The following C8orf34 variants were observed in gnomAD, a reference collection of about 807,000 sequenced individuals.
C8orf34 encodes uncharacterized protein C8orf34.
In C8orf34, 65 loss-of-function variants were observed where a neutral mutation model predicts 68.3. That is an observed-to-expected ratio of 0.95 (90% CI 0.78 to 1.17). The LOEUF is 1.17. Among genes scored for constraint, C8orf34 ranks in the 50% most tolerant of loss-of-function variants. The pLI is 0.00. For missense variants in C8orf34, 664 were observed against 655.4 expected (o/e 1.01, Z -0.14); for synonymous variants, 244 against 241.2 (o/e 1.01, Z -0.11).
At chr8:68,808,794 T>G (rs1366824150) in intron 12 of C8orf34, among the ~76,000 whole-genome samples, 1 of 152,146 alleles carries the variant, frequency 6.6e-6, no homozygotes, top group East Asian at 1.9e-4. Flanking sequence ...ATAGGACAAC[T>G]ATATTTAGTT....
chr8:68,596,487 A>G (rs1817549904), intron 7 of C8orf34, among the ~76,000 whole-genome samples: 1 of 152,134 alleles, frequency 6.6e-6, no homozygotes, highest in African/African-American at 2.4e-5. Flanking sequence ...AGTCTGCTAC[A>G]ATGTTGTGTG....
chr8:68,442,347 A>C (rs1416865911), intron 2 of C8orf34, among the ~76,000 whole-genome samples: 4 of 152,204 alleles, frequency 2.6e-5, no homozygotes, highest in Non-Finnish European at 5.9e-5. Flanking sequence ...ATTATTAATT[A>C]ATCATGGAAA....
At chr8:68,415,153 C>T (rs537713950) in intron 1 of C8orf34, among the ~76,000 whole-genome samples, 82 of 152,148 alleles carry the variant, frequency 5.4e-4, no homozygotes, top group Admixed American at 1.5e-3. Flanking sequence ...TGTTTTCCAT[C>T]GTATGGAGAA....
At chr8:68,575,975 T>C (rs1006841809) in intron 7 of C8orf34, among the ~76,000 whole-genome samples, 8 of 149,310 alleles carry the variant, frequency 5.4e-5, no homozygotes, top group Non-Finnish European at 1.5e-5. Flanking sequence ...TTTTTTTTTT[T>C]TTGCCTTTGC....
chr8:68,635,597 G>A (rs1198698664), intron 7 of C8orf34, among the ~76,000 whole-genome samples: 1 of 152,114 alleles, frequency 6.6e-6, no homozygotes, highest in African/African-American at 2.4e-5. Context: ...ATGATGAGAA[G>A]GTATGGGAAA....
At position 68,331,057 on chromosome 8, in the gene C8orf34, G is replaced by A; in HGVS notation, c.45G>A (p.Leu15=). 1 of 1,481,382 alleles carries A rather than the reference G, an allele frequency of 6.8e-7. No homozygotes were observed. Among genetic ancestry groups the A allele is most frequent in the Non-Finnish European group, 8.9e-7 (1 of 1,127,330 alleles). 91.8% of individuals were successfully genotyped at this position (1,481,382 alleles called of 1,614,324 possible). The change falls in exon 1 of 14, where the codon CTG becomes CTA. Residue 15 remains leucine (L), a synonymous_variant. Transcript: ENST00000518698. The part of the protein sequence containing the change: ...LASELSELAA[L]RPGFRLSAPH... ...CGGAGTTGTCTGAGTTGGCGGCGCT[G>A]CGCCCAGGCTTCCGGCTCTCAGCGC...
chr8:68,385,961 G>A (rs544428725), intron 1 of C8orf34, among the ~76,000 whole-genome samples: 17 of 152,212 alleles, frequency 1.1e-4, no homozygotes, highest in Middle Eastern at 3.4e-3. Context: ...GTGTAGTGGC[G>A]TGGTAATAGC....
chr8:68,475,186 A>G (rs1367184497), intron 4 of C8orf34, among the ~76,000 whole-genome samples: 2 of 152,168 alleles, frequency 1.3e-5, no homozygotes, highest in African/African-American at 2.4e-5. Context: ...TCAGCAAGCC[A>G]TATTTACTTT....
intron 1 of C8orf34, among the ~76,000 whole-genome samples, chr8:68,433,240 A>C (rs1810521504): frequency 6.6e-6 from 1 of 152,178 alleles, no homozygotes; most frequent in Non-Finnish European, 1.5e-5. Flanking sequence ...AGAGTAAATA[A>C]ATTCAGTCAT....
intron 1 of C8orf34, among the ~76,000 whole-genome samples, chr8:68,353,827 A>G (rs1331907147): frequency 1.3e-5 from 2 of 151,834 alleles, no homozygotes. Context: ...ATTCTGTTTG[A>G]TATAAGTAAT....
chr8:68,766,503 A>C (rs1436431149), intron 10 of C8orf34, among the ~76,000 whole-genome samples: 1 of 152,178 alleles, frequency 6.6e-6, no homozygotes, highest in Non-Finnish European at 1.5e-5. Flanking sequence ...TTGCTAACTG[A>C]TTTTTATGAG....
chr8:68,342,501 C>T (rs989350218), intron 1 of C8orf34, among the ~76,000 whole-genome samples: 30 of 152,090 alleles, frequency 2.0e-4, no homozygotes, highest in African/African-American at 6.5e-4. Context: ...GTGTAGTAGC[C>T]CCCTCTTATC....
intron 11 of C8orf34, among the ~76,000 whole-genome samples, chr8:68,779,983 C>CA (rs1210726596): frequency 6.6e-6 from 1 of 152,026 alleles, no homozygotes; most frequent in Non-Finnish European, 1.5e-5. Context: ...ATTTATTTAA[C>CA]TGATAAATTA....
At chr8:68,763,475 A>C (rs17389700) in intron 10 of C8orf34, among the ~76,000 whole-genome samples, 19,100 of 151,980 alleles carry the variant, frequency 0.13, 1,304 homozygotes, top group Middle Eastern at 0.16. Flanking sequence ...CCTTCAGTTT[A>C]TTTTTGTTCA....
At chr8:68,794,304 TGG>T (rs901859006) in intron 12 of C8orf34, among the ~76,000 whole-genome samples, 1 of 150,976 alleles carries the variant, frequency 6.6e-6, no homozygotes, top group African/African-American at 2.4e-5. Context: ...CCCAAGTAGC[TGG>T]GACTACAGAT....
chr8:68,815,393 C>T (rs1824779823), intron 12 of C8orf34, among the ~76,000 whole-genome samples: 1 of 152,052 alleles, frequency 6.6e-6, no homozygotes, highest in South Asian at 2.1e-4. Context: ...CAGACACACA[C>T]ATATATATAC....
chr8:68,455,615 CT>C (rs1275476459), intron 3 of C8orf34, among the ~76,000 whole-genome samples: 3 of 151,974 alleles, frequency 2.0e-5, no homozygotes, highest in African/African-American at 4.8e-5. Context: ...CTTTATTATT[CT>C]TTCTCTTCTG....
At chr8:68,564,784 G>A (rs7830405) in intron 7 of C8orf34, among the ~76,000 whole-genome samples, 137,980 of 152,248 alleles carry the variant, frequency 0.91, 62,781 homozygotes, top group East Asian at 1. Flanking sequence ...ATATAAGCCA[G>A]ATATTTGGAT....
At chr8:68,589,109 C>T (rs569113504) in intron 7 of C8orf34, among the ~76,000 whole-genome samples, 3 of 152,234 alleles carry the variant, frequency 2.0e-5, no homozygotes, top group South Asian at 2.1e-4. Flanking sequence ...ACAAATAAAT[C>T]GGCTACCAAT....
Sources: allele counts gnomAD v4.1 joint callset (sites outside exome capture counted in the v4.1 genomes callset), GRCh38; gene constraint gnomAD v4.1.1; transcripts MANE v1.5; gene names NCBI Gene and HGNC (gene_info 2026-07-23, HGNC 2026-07-21).